Variants in CFAP99 observed in about 807,000 individuals in gnomAD.
The protein encoded by CFAP99 is cilia- and flagella-associated protein 99.
CFAP99 carries 84 observed loss-of-function variants against 82.7 expected under a neutral mutation model. The observed-to-expected ratio is 1.02, with a 90% CI of 0.85 to 1.22. CFAP99 has a LOEUF of 1.22. CFAP99 is among the 50% of genes most tolerant of loss of function. CFAP99 has a pLI of 0.00. For synonymous variants in CFAP99, 456 were observed against 429.5 expected (o/e 1.06, Z -0.76); for missense variants, 1,059 against 983.5 (o/e 1.08, Z -1.03).
intron 1 of CFAP99, among the ~76,000 whole-genome samples, chr4:2,424,467 A>C (rs1445890267): frequency 8.5e-5 from 13 of 152,174 alleles, no homozygotes; most frequent in Admixed American, 8.5e-4. Context: ...AAAAGAAAAA[A>C]AAAGAACAGC....
intron 6 of CFAP99, among the ~76,000 whole-genome samples, chr4:2,449,288 T>G (rs1734245331): frequency 6.6e-6 from 1 of 152,080 alleles, no homozygotes; most frequent in Non-Finnish European, 1.5e-5. Context: ...CAGCCTCTCC[T>G]GCCCAGGCAG....
chr4:2,458,970 A>G (rs1308119858), intron 12 of CFAP99, 106 bp downstream of exon 12: 30 of 1,454,756 alleles, frequency 2.1e-5, no homozygotes, highest in East Asian at 1.0e-4. Context: ...AGGGTCAGGG[A>G]CCCCTTGAGG....
intron 1 of CFAP99, among the ~76,000 whole-genome samples, chr4:2,424,244 T>C (rs1030808453): frequency 5.9e-5 from 9 of 152,100 alleles, no homozygotes; most frequent in Admixed American, 5.9e-4. Context: ...CATGGCGAAA[T>C]CCTGTCTCTC....
chr4:2,423,919 C>T (rs2108707590), intron 1 of CFAP99, among the ~76,000 whole-genome samples: 1 of 152,348 alleles, frequency 6.6e-6, no homozygotes. Flanking sequence ...GGGCCCAGGG[C>T]AGGCTCCCGG....
chr4:2,458,980 G>A (rs1172919350), intron 12 of CFAP99, 116 bp downstream of exon 12: 13 of 1,448,164 alleles, frequency 9.0e-6, no homozygotes, highest in Non-Finnish European at 1.2e-5. Flanking sequence ...ACCCCTTGAG[G>A]GAGGCACTCC....
At chr4:2,421,527 T>C (rs1333435949) in intron 1 of CFAP99, among the ~76,000 whole-genome samples, 1 of 152,020 alleles carries the variant, frequency 6.6e-6, no homozygotes, top group African/African-American at 2.4e-5. Context: ...CTAATTTTTG[T>C]ATTTTTAGTA....
Position 2,458,608 on chromosome 4 carries a change from A to G in CFAP99, c.1162-115A>G, listed in dbSNP as rs535004279. 8 of 1,339,018 alleles carry G rather than the reference A, an allele frequency of 6.0e-6. No homozygotes were observed. The African/African-American group carries it at 1.2e-4, about 20-fold the overall frequency. 82.9% of individuals were successfully genotyped at this position (1,339,018 alleles called of 1,614,324 possible). On this transcript the variant is annotated intron_variant, in intron 11 of 14. Transcript: ENST00000635017. ...TTAGACCTGGGTTCTGGGGTGATTCAAGGGCAGGGACTGGGTCCACCTTCA... is the reference window on the plus strand; with the variant it reads ...TTAGACCTGGGTTCTGGGGTGATTCGAGGGCAGGGACTGGGTCCACCTTCA...
In CFAP99 at chr4:2,458,577, A is replaced by C. The variant is rs1295499130; in HGVS notation, c.1162-146A>C. On this transcript the variant is annotated intron_variant, in intron 11 of 14. Coordinates refer to ENST00000635017, the Ensembl canonical transcript of CFAP99. ...ACTTCCAGAGCACCGCCAGGAGTGA[A>C]TGGGCTTAGACCTGGGTTCTGGGGT... The C allele has an allele frequency of 1.3e-5, 13 of 981,608 alleles. No homozygotes were observed. In the East Asian group the frequency reaches 3.9e-4, roughly 29 times the overall value. 60.8% of individuals were successfully genotyped at this position (981,608 alleles called of 1,614,324 possible).
At chr4:2,435,496 A>T (rs1462628270) in intron 2 of CFAP99, among the ~76,000 whole-genome samples, 1 of 152,198 alleles carries the variant, frequency 6.6e-6, no homozygotes, top group African/African-American at 2.4e-5. Flanking sequence ...CCTTATAAAA[A>T]TGACTAAGAA....
At position 2,461,554 on chromosome 4, in the gene CFAP99, A is replaced by G. The variant is rs966972777; in HGVS notation, c.1662-889A>G. ...GTGGCACACACCTGGACAGCTCATC[A>G]CTTCCAGCTGCTGGCCACGGCCTGG... On this transcript the variant is annotated intron_variant, in intron 14 of 14. Coordinates refer to ENST00000635017, the Ensembl canonical transcript of CFAP99. 2.6e-5 allele frequency among the ~76,000 whole-genome samples: 4 copies of G among 152,248 alleles called. 1 individual carries two copies. In the East Asian group the frequency reaches 7.7e-4, roughly 29 times the overall value.
At chr4:2,426,953 G>A (rs1054361410) in intron 2 of CFAP99, 4 of 266,840 alleles carry the variant, frequency 1.5e-5, no homozygotes, top group Non-Finnish European at 2.2e-5. Flanking sequence ...GGCGCCCCAG[G>A]GCTGTGGCAG....
intron 6 of CFAP99, among the ~76,000 whole-genome samples, chr4:2,447,598 C>T (rs1272847538): frequency 7.0e-6 from 1 of 142,652 alleles, no homozygotes; most frequent in African/African-American, 2.6e-5. Context: ...AATGGATGAA[C>T]ACATGGGTGA....
intron 12 of CFAP99, 31 bp downstream of exon 12, chr4:2,458,895 C>T (rs751634400): frequency 3.6e-5 from 54 of 1,518,048 alleles, no homozygotes; most frequent in Non-Finnish European, 4.5e-5. Flanking sequence ...ACTGGCCCTA[C>T]CCCGCTCTTC....
chr4:2,431,061 G>T (rs1038745370), intron 2 of CFAP99, among the ~76,000 whole-genome samples: 4 of 150,844 alleles, frequency 2.7e-5, no homozygotes, highest in African/African-American at 4.9e-5. Context: ...AACAGAGTAA[G>T]ATCCTGGCTC....
intron 1 of CFAP99, among the ~76,000 whole-genome samples, chr4:2,423,991 C>T: frequency 6.6e-6 from 1 of 152,228 alleles, no homozygotes; most frequent in Admixed American, 6.5e-5. Context: ...GGCCTGGTCT[C>T]CAGGGCCTGT....
At chr4:2,456,878 G>A (rs3135154) in intron 11 of CFAP99, among the ~76,000 whole-genome samples, 147,917 of 151,728 alleles carry the variant, frequency 0.97, 72,121 homozygotes, top group East Asian at 1. Flanking sequence ...CTGTACTAGT[G>A]TCAACACTCA....
intron 11 of CFAP99, among the ~76,000 whole-genome samples, chr4:2,458,415 TACTGGGTGC>T (rs1734486158): frequency 6.6e-6 from 1 of 152,074 alleles, no homozygotes; most frequent in South Asian, 2.1e-4. Context: ...CCTACGTTGC[TACTGGGTGC>T]ACTGGGTCTC....
chr4:2,454,581 C>CTTTTTTTTTTTGTTTTTTTTTTTTTTT (rs1734378524), intron 11 of CFAP99, among the ~76,000 whole-genome samples: 17 of 94,718 alleles, frequency 1.8e-4, no homozygotes, highest in East Asian at 2.7e-4. Flanking sequence ...TGTTTTTTTT[C>CTTTTTTTTTTTGTTTTTTTTTTTTTTT]TTTTTTTTTT....
chr4:2,434,718 TC>T (rs1182771156), intron 2 of CFAP99, among the ~76,000 whole-genome samples: 33 of 152,180 alleles, frequency 2.2e-4, no homozygotes, highest in African/African-American at 7.9e-4. Context: ...AAAAGGCGCA[TC>T]CCCCAATCTT....
Sources: allele counts gnomAD v4.1 joint callset (sites outside exome capture counted in the v4.1 genomes callset), GRCh38; gene constraint gnomAD v4.1.1; transcripts MANE v1.5; gene names NCBI Gene and HGNC (gene_info 2026-07-23, HGNC 2026-07-21).